Variants in EMC7 observed in about 807,000 individuals in gnomAD.
EMC7 encodes the protein endoplasmic reticulum membrane protein complex subunit 7.
Under a neutral mutation model 24.4 loss-of-function variants are expected in EMC7, and 4 were observed. The observed-to-expected ratio is 0.16, with a 90% confidence interval of 0.08 to 0.38. The LOEUF (loss-of-function observed/expected upper bound fraction) is 0.38, where lower values mean the gene tolerates loss of function less well. EMC7 is among the 10% of genes least tolerant of loss of function. The pLI is 1.00. For synonymous variants in EMC7, 106 were observed against 112.0 expected, an observed-to-expected ratio of 0.95 and a Z score of 0.34; for missense variants, 221 against 300.6, an observed-to-expected ratio of 0.74 and a Z score of 1.96.
chr15:34,086,704 C>T (rs529060922), intron 4 of EMC7, among the ~76,000 whole-genome samples: 2 of 152,368 alleles, frequency 1.3e-5, no homozygotes, highest in East Asian at 3.9e-4. Flanking sequence ...GCTGGGATTA[C>T]AGGCCTGCGC....
intron 4 of EMC7, 58 bp from the exon 5 acceptor site, chr15:34,084,544 C>T (rs1276530496): frequency 1.9e-6 from 3 of 1,559,500 alleles, no homozygotes; most frequent in Non-Finnish European, 2.6e-6. Flanking sequence ...TAACTCCTAA[C>T]ACTTCCTATT....
Position 34,101,756 on chromosome 15 carries a change from C to T in EMC7, c.84G>A (p.Gly28=), listed in dbSNP as rs527261396. 3.2e-5 allele frequency: 51 copies of T among 1,613,846 alleles called. No homozygotes were observed. In the Middle Eastern group the frequency reaches 4.9e-4, roughly 16 times the overall value. ...TCCCTCCCGATCCCTCAGCAGCAGC[C>T]CCGGGCACCTCCGAGCTCTGGACAT... The part of the protein sequence containing the change: ...SGDVQSSEVP[G]AAAEGSGGSG... Residue 28 remains glycine, a synonymous_variant, in exon 1 of 5, where the codon GGG becomes GGA. Transcript: ENST00000256545.
intron 2 of EMC7, among the ~76,000 whole-genome samples, chr15:34,094,395 G>A (rs531825477): frequency 5.3e-5 from 8 of 152,128 alleles, no homozygotes; most frequent in South Asian, 2.1e-4. Context: ...TTAGCCGGGC[G>A]TTGGTGGTAG....
chr15:34,101,074 C>T (rs1901166753), intron 1 of EMC7: 1 of 148,494 alleles, frequency 6.7e-6, no homozygotes, highest in African/African-American at 2.5e-5. Context: ...AAAAAAAGTG[C>T]TTTGATTAGG....
chr15:34,090,553 T>G (rs1300624659), intron 2 of EMC7, 98 bp from the exon 3 acceptor site: 1 of 1,273,522 alleles, frequency 7.9e-7, no homozygotes, highest in African/African-American at 1.5e-5. Flanking sequence ...TTATACACAC[T>G]TTCAGCTTTT....
intron 4 of EMC7, 143 bp downstream of exon 4, chr15:34,087,910 C>T: frequency 1.5e-6 from 1 of 687,164 alleles, no homozygotes; most frequent in Non-Finnish European, 2.5e-6. Context: ...AATCCCAGTG[C>T]TTTGGGAGGC....
intron 4 of EMC7, 129 bp downstream of exon 4, chr15:34,087,924 G>A (rs1429228391): frequency 1.8e-5 from 13 of 742,466 alleles, no homozygotes; most frequent in Non-Finnish European, 2.7e-5. Context: ...GGGAGGCTGA[G>A]GCAGGTGGAT....
chr15:34,088,055 G>T lies in EMC7; in HGVS notation c.574C>A (p.Arg192=), dbSNP rs1381989277. The T allele has an allele frequency of 6.2e-7, 1 of 1,602,416 alleles. No individual in the cohort carries two copies. The highest frequency in any genetic ancestry group is 1.4e-5 in the African/African-American group (1 of 73,732). ...CCATAGCTGGACCATCATCTTACCC[G>T]TCTCATGTCAGGATCACTTGTGTTG... ...VVNTSDPDMR[R]EMEQSMNMLN... is the part of the protein sequence containing the mutation. Residue 192 remains arginine, a splice_region_variant and synonymous_variant, in exon 4 of 5, where the codon CGG becomes AGG. Transcript: ENST00000256545.
intron 2 of EMC7, among the ~76,000 whole-genome samples, chr15:34,092,244 G>A (rs1018002652): frequency 2.4e-5 from 3 of 122,710 alleles, no homozygotes; most frequent in African/African-American, 3.1e-5. Flanking sequence ...CAGCCTGGGT[G>A]ACAGAGTGAG....
chr15:34,089,975 C>A (rs1900953676), intron 3 of EMC7, among the ~76,000 whole-genome samples: 1 of 152,098 alleles, frequency 6.6e-6, no homozygotes, highest in Admixed American at 6.6e-5. Context: ...CAAAACAAAC[C>A]ACAAACAAAA....
intron 4 of EMC7, among the ~76,000 whole-genome samples, chr15:34,084,737 C>T (rs1388588498): frequency 1.6e-4 from 6 of 38,494 alleles, no homozygotes; most frequent in African/African-American, 2.1e-4. Flanking sequence ...TTTGATTCTG[C>T]TTGCCTTTTT....
In EMC7 at chr15:34,084,447, C is replaced by G; in HGVS notation, c.616G>C (p.Glu206Gln). The change falls in exon 5 of 5, where the codon GAG becomes CAG. Residue 206 changes from glutamate (E) to glutamine (Q), a missense_variant. Transcript: ENST00000256545. ...QSMNMLNSNH[E>Q]LPDVSEFMTR... ...ATGAACTCAGAAACATCAGGCAACTCATGGTTGGAATTCAGCATATTCATT... is the reference window on the plus strand; with the variant it reads ...ATGAACTCAGAAACATCAGGCAACTGATGGTTGGAATTCAGCATATTCATT... The G allele has an allele frequency of 6.2e-7, 1 of 1,613,722 alleles. No homozygotes were observed. The highest frequency in any genetic ancestry group is 8.5e-7 in the Non-Finnish European group (1 of 1,179,694).
At chr15:34,094,701 CA>C (rs11399551) in intron 2 of EMC7, among the ~76,000 whole-genome samples, 26 of 141,644 alleles carry the variant, frequency 1.8e-4, no homozygotes, top group Admixed American at 3.5e-4. Context: ...GACTTTGTCT[CA>C]AAAAAAAAAA....
chr15:34,101,494 C>T (rs897098240), intron 1 of EMC7, 110 bp downstream of exon 1: 1 of 1,169,434 alleles, frequency 8.6e-7, no homozygotes, highest in Non-Finnish European at 1.2e-6. Flanking sequence ...GGCACCCTCC[C>T]CTTCAGTCTG....
At chr15:34,086,510 C>T (rs1900890308) in intron 4 of EMC7, among the ~76,000 whole-genome samples, 1 of 152,154 alleles carries the variant, frequency 6.6e-6, no homozygotes, top group Non-Finnish European at 1.5e-5. Flanking sequence ...CTCACTGCAA[C>T]CTCTGCCTCC....
chr15:34,089,611 C>T (rs1900947142), intron 3 of EMC7, among the ~76,000 whole-genome samples: 1 of 152,202 alleles, frequency 6.6e-6, no homozygotes, highest in Non-Finnish European at 1.5e-5. Flanking sequence ...CTTGTGCTAT[C>T]AATAGGGGCT....
intron 3 of EMC7, among the ~76,000 whole-genome samples, chr15:34,089,362 T>A (rs2140868019): frequency 6.6e-6 from 1 of 152,364 alleles, no homozygotes; most frequent in East Asian, 1.9e-4. Flanking sequence ...CCAATTACCC[T>A]GATGTGATTA....
At chr15:34,094,340 C>A (rs1901029172) in intron 2 of EMC7, among the ~76,000 whole-genome samples, 1 of 152,020 alleles carries the variant, frequency 6.6e-6, no homozygotes, top group Non-Finnish European at 1.5e-5. Context: ...TCGAGACCAG[C>A]CTGGCCAATA....
At chr15:34,097,968 C>CAA (rs34286000) in intron 1 of EMC7, among the ~76,000 whole-genome samples, 154 of 125,558 alleles carry the variant, frequency 1.2e-3, no homozygotes, top group East Asian at 3.2e-3. Context: ...GACTCCGTCT[C>CAA]AAAAAAAAAA....
Sources: allele counts gnomAD v4.1 joint callset (sites outside exome capture counted in the v4.1 genomes callset), GRCh38; gene constraint gnomAD v4.1.1; transcripts MANE v1.5; gene names NCBI Gene and HGNC (gene_info 2026-07-23, HGNC 2026-07-21).